Variants in LINGO2 observed in about 807,000 individuals in gnomAD.
The protein encoded by LINGO2 is leucine rich repeat and Ig domain containing 2, also known as leucine-rich repeat and immunoglobulin-like domain-containing nogo receptor-interacting protein 2.
LINGO2 carries 14 observed loss-of-function variants against 30.6 expected under a neutral mutation model. The observed-to-expected ratio is 0.46, with a 90% CI of 0.30 to 0.72. The LOEUF (loss-of-function observed/expected upper bound fraction) is 0.72. LINGO2 is among the 30% of genes least tolerant of loss of function. The probability of loss-of-function intolerance (pLI) is 0.07; values close to 1 mark genes in which losing one functional copy is unlikely to be tolerated. For missense variants in LINGO2, 729 were observed against 751.7 expected, an observed-to-expected ratio of 0.97 and a Z score of 0.35; for synonymous variants, 317 against 288.5, an observed-to-expected ratio of 1.10 and a Z score of -1.00.
chr9:28,365,487 C>G (rs996251886), intron 3 of LINGO2, among the ~76,000 whole-genome samples: 1 of 152,090 alleles, frequency 6.6e-6, no homozygotes, highest in Non-Finnish European at 1.5e-5. Context: ...CTGCAACACC[C>G]CCTAGTGCAA....
Position 28,418,790 on chromosome 9 carries a change from C to A in LINGO2, c.-278-45922G>T, listed in dbSNP as rs149480868. 1.7e-3 allele frequency among the ~76,000 whole-genome samples: 261 copies of A among 151,938 alleles called. 1 individual carries two copies. The East Asian group carries it at 0.035, about 20-fold the overall frequency. On this transcript the variant is annotated intron_variant, in intron 2 of 5. Transcript: ENST00000379992. ...TTGATTACAAGGAAATTTTTGATTG[C>A]AAAAGGAAATGTCTGTGCTGTTTCA... is the stretch of plus-strand genomic sequence containing the variant.
chr9:29,045,473 T>C, the LINGO2 span, among the ~76,000 whole-genome samples: 2 of 151,978 alleles, frequency 1.3e-5, no homozygotes, highest in Non-Finnish European at 2.9e-5. Flanking sequence ...TTTTCTATAG[T>C]GTGCTACCTT....
chr9:28,353,914 AAC>A (rs1346964451), intron 3 of LINGO2, among the ~76,000 whole-genome samples: 1 of 152,090 alleles, frequency 6.6e-6, no homozygotes, highest in African/African-American at 2.4e-5. Context: ...CAAAAATCCA[AAC>A]ACTGCATATT....
At chr9:29,063,755 A>G in the LINGO2 span, among the ~76,000 whole-genome samples, 1 of 152,162 alleles carries the variant, frequency 6.6e-6, no homozygotes, top group Admixed American at 6.6e-5. Flanking sequence ...TCTCCGTTAC[A>G]AGGTAAGACC....
At chr9:28,520,154 A>G (rs1820775022) in intron 1 of LINGO2, among the ~76,000 whole-genome samples, 1 of 152,140 alleles carries the variant, frequency 6.6e-6, no homozygotes, top group Admixed American at 6.5e-5. Context: ...CTTAATTCTT[A>G]TGCCGCTTTT....
chr9:28,969,165 A>G, the LINGO2 span, among the ~76,000 whole-genome samples: 6 of 152,106 alleles, frequency 3.9e-5, no homozygotes, highest in Non-Finnish European at 5.9e-5. Context: ...ATACATTAGA[A>G]GAAGATCAGC....
chr9:28,652,415 G>T (rs748014479), intron 1 of LINGO2, among the ~76,000 whole-genome samples: 1 of 151,958 alleles, frequency 6.6e-6, no homozygotes, highest in Non-Finnish European at 1.5e-5. Flanking sequence ...TTTATTTTTG[G>T]TGACAGTTTC....
At position 28,025,081 on chromosome 9, in the gene LINGO2, G is replaced by A. The variant is rs578172329; in HGVS notation, c.-86-12676C>T. Among the ~76,000 whole-genome samples the A allele has an allele frequency of 5.3e-5, 8 of 152,276 alleles. No individual in the cohort carries two copies. In the South Asian group the frequency reaches 1.5e-3, roughly 28 times the overall value. ...AATTACTTTCATGCTTTGGGCTGAT[G>A]AGAATAATAATCATGTGTTGATTAC... On this transcript the variant is annotated intron_variant, in intron 4 of 5. Transcript: ENST00000379992.
intron 2 of LINGO2, among the ~76,000 whole-genome samples, chr9:28,433,966 T>TATATATATATATAC (rs752778212): frequency 0.025 from 2,482 of 98,442 alleles, 201 homozygotes; most frequent in Non-Finnish European, 0.043. Flanking sequence ...TATATATATA[T>TATATATATATATAC]ACACACACAC....
At chr9:28,229,631 T>A (rs1483662967) in intron 4 of LINGO2, among the ~76,000 whole-genome samples, 1 of 151,796 alleles carries the variant, frequency 6.6e-6, no homozygotes, top group African/African-American at 2.4e-5. Context: ...GCGAACTGAA[T>A]AATTTAGTAT....
the LINGO2 span, among the ~76,000 whole-genome samples, chr9:28,842,123 G>A: frequency 6.6e-6 from 1 of 151,888 alleles, no homozygotes; most frequent in Middle Eastern, 3.4e-3. Flanking sequence ...CAGACCAACT[G>A]ACAGTTTGAC....
chr9:29,084,622 G>C, the LINGO2 span, among the ~76,000 whole-genome samples: 2 of 151,874 alleles, frequency 1.3e-5, no homozygotes, highest in African/African-American at 2.4e-5. Context: ...ATCTGACCCT[G>C]ATCTCCACAT....
the LINGO2 span, among the ~76,000 whole-genome samples, chr9:29,212,142 C>CCAGTTCAAGGCA: frequency 2.0e-5 from 3 of 152,176 alleles, no homozygotes. Context: ...CGAAGTGGCT[C>CCAGTTCAAGGCA]CAGTTCAAGG....
chr9:28,415,685 C>A (rs1214252318), intron 2 of LINGO2, among the ~76,000 whole-genome samples: 1 of 152,142 alleles, frequency 6.6e-6, no homozygotes, highest in East Asian at 1.9e-4. Flanking sequence ...CATGCTGTAT[C>A]TTGTAACACT....
intron 3 of LINGO2, among the ~76,000 whole-genome samples, chr9:28,342,364 C>T (rs2134395396): frequency 6.6e-6 from 1 of 152,240 alleles, no homozygotes. Flanking sequence ...GTCCAACAAA[C>T]ACGCAAACTT....
the LINGO2 span, among the ~76,000 whole-genome samples, chr9:28,754,422 T>C: frequency 1.3e-5 from 2 of 152,060 alleles, no homozygotes; most frequent in African/African-American, 4.8e-5. Context: ...CAAACTTCCA[T>C]GAATGGGAGA....
chr9:28,094,795 C>T (rs1219119907), intron 4 of LINGO2, among the ~76,000 whole-genome samples: 2 of 151,400 alleles, frequency 1.3e-5, no homozygotes, highest in Non-Finnish European at 3.0e-5. Flanking sequence ...TACTTTTTTT[C>T]CCACTCAACC....
intron 5 of LINGO2, among the ~76,000 whole-genome samples, chr9:27,971,531 C>T (rs1411631324): frequency 1.3e-5 from 2 of 152,162 alleles, no homozygotes; most frequent in East Asian, 3.9e-4. Context: ...TACAGCTGTG[C>T]ATCACCACGC....
At chr9:28,391,938 G>C (rs1821852196) in intron 2 of LINGO2, among the ~76,000 whole-genome samples, 1 of 152,008 alleles carries the variant, frequency 6.6e-6, no homozygotes, top group South Asian at 2.1e-4. Context: ...GCCAAGTGTG[G>C]TGGCTCACGC....
Sources: allele counts gnomAD v4.1 joint callset (sites outside exome capture counted in the v4.1 genomes callset), GRCh38; gene constraint gnomAD v4.1.1; transcripts MANE v1.5; gene names NCBI Gene and HGNC (gene_info 2026-07-23, HGNC 2026-07-21).